Variants in PARD3 observed in about 807,000 individuals in gnomAD.
The protein encoded by PARD3 is par-3 family cell polarity regulator, also known as partitioning defective 3 homolog.
Under a neutral mutation model 155.4 loss-of-function variants are expected in PARD3, and 75 were observed. The observed-to-expected ratio is 0.48, with a 90% CI of 0.40 to 0.58. PARD3 has a LOEUF of 0.58. Among genes scored for constraint, PARD3 ranks in the 20% least tolerant of loss-of-function variants. PARD3 has a pLI of 0.00. For synonymous variants in PARD3, 576 were observed against 610.5 expected (o/e 0.94, Z 0.83); for missense variants, 1,642 against 1,721.7 (o/e 0.95, Z 0.82).
intron 3 of PARD3, among the ~76,000 whole-genome samples, chr10:34,482,941 G>A (rs1441823797): frequency 6.6e-6 from 1 of 151,840 alleles, no homozygotes; most frequent in Non-Finnish European, 1.5e-5. Flanking sequence ...CTGAGGTCGG[G>A]AGTTCAAGAC....
intron 3 of PARD3, among the ~76,000 whole-genome samples, chr10:34,512,553 G>C (rs1286792637): frequency 6.6e-6 from 1 of 152,186 alleles, no homozygotes; most frequent in African/African-American, 2.4e-5. Flanking sequence ...TCTCTAAGAA[G>C]CTCTGATCCC....
chr10:34,426,443 T>C (rs999679622), intron 5 of PARD3, among the ~76,000 whole-genome samples: 1 of 152,196 alleles, frequency 6.6e-6, no homozygotes, highest in South Asian at 2.1e-4. Flanking sequence ...TTTTGGAGAA[T>C]GGTATTTTTT....
In PARD3 at chr10:34,382,910, C is replaced by T. The variant is rs553485170; in HGVS notation, c.1029G>A (p.Met343Ile). The part of the protein sequence containing the change: ...RNRRFEQAQH[M>I]FRQAMRTPII... ...TGGGTGTACGCATGGCTTGGCGAAA[C>T]ATATGTTGTGCTCTGGGTTTGAGAA... is the stretch of plus-strand genomic sequence containing the variant. The change falls in exon 9 of 25, where the codon ATG becomes ATA. Residue 343 changes from methionine (M) to isoleucine (I), a missense_variant. Physicochemically the swap from Met to Ile is conservative, Grantham distance 10. Around this residue, in one of 3 missense-constraint regions of PARD3, gnomAD observed 1,529 missense variants for 1,587.3 expected, o/e 0.96. Coordinates refer to ENST00000374788, the MANE Select transcript of PARD3 (RefSeq NM_001184785.2). 32 of 1,613,756 alleles carry T rather than the reference C, an allele frequency of 2.0e-5. No individual in the cohort carries two copies. In the South Asian group the frequency reaches 3.2e-4, roughly 16 times the overall value.
chr10:34,516,165 A>G (rs754378984), intron 3 of PARD3, among the ~76,000 whole-genome samples: 1 of 151,980 alleles, frequency 6.6e-6, no homozygotes, highest in Non-Finnish European at 1.5e-5. Context: ...GGGTTTCACC[A>G]TGTCGGCCAG....
chr10:34,131,701 T>A, intron 22 of PARD3, 118 bp from the exon 23 acceptor site: 1 of 861,686 alleles, frequency 1.2e-6, no homozygotes, highest in East Asian at 2.5e-5. Context: ...AAAGTGAATT[T>A]TTAAAACAAT....
intron 5 of PARD3, among the ~76,000 whole-genome samples, chr10:34,443,504 G>A (rs2076577572): frequency 6.6e-6 from 1 of 152,182 alleles, no homozygotes; most frequent in South Asian, 2.1e-4. Context: ...CAATCATTGT[G>A]GAAGGCAGGG....
chr10:34,604,287 A>G (rs116962555), intron 2 of PARD3, among the ~76,000 whole-genome samples: 2,318 of 152,216 alleles, frequency 0.015, 33 homozygotes, highest in Non-Finnish European at 0.024. Flanking sequence ...AGAGATAAAC[A>G]TTTGACTCTG....
chr10:34,619,532 T>C (rs1014598668), intron 2 of PARD3, among the ~76,000 whole-genome samples: 4 of 152,208 alleles, frequency 2.6e-5, no homozygotes, highest in Non-Finnish European at 4.4e-5. Flanking sequence ...TATAATGTTA[T>C]TTGCCAACTT....
intron 2 of PARD3, among the ~76,000 whole-genome samples, chr10:34,553,166 G>C (rs2084725525): frequency 6.6e-6 from 1 of 152,172 alleles, no homozygotes; most frequent in South Asian, 2.1e-4. Context: ...CTCCTCCATG[G>C]TCAGCAGCCA....
intron 2 of PARD3, among the ~76,000 whole-genome samples, chr10:34,586,140 A>C (rs1390957756): frequency 6.6e-6 from 1 of 152,184 alleles, no homozygotes; most frequent in Non-Finnish European, 1.5e-5. Flanking sequence ...TTCAGTCCCA[A>C]CTGATGGATA....
At chr10:34,733,209 T>C (rs2094849961) in intron 1 of PARD3, among the ~76,000 whole-genome samples, 1 of 152,170 alleles carries the variant, frequency 6.6e-6, no homozygotes, top group Admixed American at 6.5e-5. Flanking sequence ...TTAATCACCA[T>C]CCACAAAAGC....
Position 34,512,269 on chromosome 10 carries a change from C to T in PARD3, c.403+4710G>A, listed in dbSNP as rs74762251. 1.6e-4 allele frequency among the ~76,000 whole-genome samples: 24 copies of T among 152,308 alleles called. No individual in the cohort carries two copies. In the East Asian group the frequency reaches 3.1e-3, roughly 20 times the overall value. On this transcript the variant is annotated intron_variant, in intron 3 of 24. Transcript: ENST00000374788. ...GAATAGATGACTTATTCCTGCTTTC[C>T]TTTATAAGGTTTCCAAATAATAAGA...
At chr10:34,634,310 G>T (rs2092389588) in intron 2 of PARD3, among the ~76,000 whole-genome samples, 1 of 152,184 alleles carries the variant, frequency 6.6e-6, no homozygotes, top group Non-Finnish European at 1.5e-5. Flanking sequence ...TGGCAGAACA[G>T]TACGTATAGC....
intron 1 of PARD3, among the ~76,000 whole-genome samples, chr10:34,749,022 C>T (rs1180350040): frequency 3.9e-5 from 6 of 152,196 alleles, no homozygotes; most frequent in Admixed American, 2.0e-4. Context: ...TAAATACTAA[C>T]GGCATGAAGC....
chr10:34,384,308 C>A, intron 7 of PARD3, 54 bp from the exon 8 acceptor site: 1 of 1,527,272 alleles, frequency 6.5e-7, no homozygotes, highest in Non-Finnish European at 8.9e-7. Context: ...ACCATGCACA[C>A]TGCCTTACCA....
At chr10:34,170,455 T>C (rs1668654828) in intron 22 of PARD3, among the ~76,000 whole-genome samples, 1 of 152,134 alleles carries the variant, frequency 6.6e-6, no homozygotes, top group Non-Finnish European at 1.5e-5. Context: ...CTGAGTTAGG[T>C]GGTAGACACA....
intron 2 of PARD3, among the ~76,000 whole-genome samples, chr10:34,517,571 G>A (rs1235606019): frequency 6.6e-6 from 1 of 152,018 alleles, no homozygotes; most frequent in Non-Finnish European, 1.5e-5. Flanking sequence ...ATAAAAAGGG[G>A]ATATTAAAAA....
intron 12 of PARD3, among the ~76,000 whole-genome samples, chr10:34,369,767 T>C (rs1384653721): frequency 6.6e-6 from 1 of 152,160 alleles, no homozygotes; most frequent in Non-Finnish European, 1.5e-5. Context: ...AAAATGAAAG[T>C]GAGCATTGGA....
At chr10:34,335,564 C>T (rs962056395) in intron 18 of PARD3, among the ~76,000 whole-genome samples, 2 of 151,880 alleles carry the variant, frequency 1.3e-5, no homozygotes, top group African/African-American at 2.4e-5. Flanking sequence ...CAATATAATC[C>T]ATTGTTTCTA....
Sources: gnomAD v4.1 joint callset for allele counts (sites outside exome capture counted in the v4.1 genomes callset) on GRCh38, gnomAD v4.1.1 for gene constraint, gnomAD v4.1.1 regional missense constraint, MANE v1.5 for transcripts, NCBI Gene and HGNC (gene_info 2026-07-23, HGNC 2026-07-21) for gene names.